The following PCBP3 variants were observed in gnomAD, a reference collection of about 807,000 sequenced individuals.
PCBP3 encodes poly(rC) binding protein 3, also known as poly(rC)-binding protein 3.
A neutral mutation model predicts 52.7 loss-of-function variants in PCBP3; 25 were observed. The ratio of observed to expected loss-of-function variants is 0.47; its 90% CI spans 0.35 to 0.66. PCBP3 has a LOEUF of 0.66. Among genes scored for constraint, PCBP3 ranks in the 30% least tolerant of loss-of-function variants. The pLI is 0.01. For synonymous variants in PCBP3, 162 were observed against 183.0 expected (o/e 0.89, Z 0.93); for missense variants, 391 against 490.3 (o/e 0.80, Z 1.91).
chr21:45,883,561 GCT>G (rs747065654), intron 5 of PCBP3, among the ~76,000 whole-genome samples: 80 of 152,152 alleles, frequency 5.3e-4, no homozygotes, highest in Non-Finnish European at 6.6e-4. Flanking sequence ...ATATTTTACA[GCT>G]CTGTTATTTG....
intron 5 of PCBP3, chr21:45,869,099 GTATC>G (rs1299269151): frequency 3.7e-4 from 56 of 152,314 alleles, no homozygotes; most frequent in African/African-American, 1.3e-3. Flanking sequence ...TTTCACCCAA[GTATC>G]TGTAACTTTC....
intron 1 of PCBP3, among the ~76,000 whole-genome samples, chr21:45,660,093 CTTAA>C (rs887540162): frequency 1.6e-4 from 25 of 151,658 alleles, no homozygotes; most frequent in African/African-American, 6.0e-4. Context: ...CCTTTTTTCT[CTTAA>C]TTTTTTGTTT....
intron 9 of PCBP3, among the ~76,000 whole-genome samples, chr21:45,905,627 G>A (rs538325183): frequency 2.6e-5 from 4 of 152,334 alleles, no homozygotes; most frequent in East Asian, 1.9e-4. Context: ...CATCAGGGCC[G>A]GTTCCTCTGA....
chr21:45,867,895 C>G lies in PCBP3; in HGVS notation c.10+17800C>G, dbSNP rs575174866. On this transcript the variant is annotated intron_variant, in intron 5 of 17. Transcript: ENST00000681687. ...TCTGTGGTAAGAGGAAGAGCGATAG[C>G]TGGAACCCAGCGCCGTCGCACACAC... Among the ~76,000 whole-genome samples, 6 of 152,384 alleles carry G rather than the reference C, an allele frequency of 3.9e-5. No homozygotes were observed. In the East Asian group the frequency reaches 1.2e-3, roughly 29 times the overall value.
chr21:45,894,044 T>G, intron 5 of PCBP3: 9 of 984,840 alleles, frequency 9.1e-6, no homozygotes, highest in Non-Finnish European at 8.4e-6. Context: ...AGCCAGAGAG[T>G]GGTTGATGCC....
intron 4 of PCBP3, among the ~76,000 whole-genome samples, chr21:45,826,209 G>C (rs1047969571): frequency 9.2e-5 from 14 of 151,414 alleles, no homozygotes; most frequent in African/African-American, 3.4e-4. Flanking sequence ...GGTGAGCCGA[G>C]ATTGCGGCAT....
chr21:45,660,148 CAT>C (rs577973355), intron 1 of PCBP3, among the ~76,000 whole-genome samples: 20 of 151,682 alleles, frequency 1.3e-4, no homozygotes, highest in Admixed American at 5.2e-4. Context: ...TACACACACA[CAT>C]ATATATATGT....
chr21:45,836,806 A>C (rs987414260), intron 4 of PCBP3, among the ~76,000 whole-genome samples: 1 of 152,126 alleles, frequency 6.6e-6, no homozygotes, highest in African/African-American at 2.4e-5. Flanking sequence ...ATCAGTCCCT[A>C]CATAGACTTC....
chr21:45,838,195 A>G (rs1314681287), intron 4 of PCBP3, among the ~76,000 whole-genome samples: 1 of 152,198 alleles, frequency 6.6e-6, no homozygotes, highest in Non-Finnish European at 1.5e-5. Flanking sequence ...GATGTTATAC[A>G]CACAGTGGAG....
chr21:45,920,094 G>T (rs1049818802), intron 13 of PCBP3, among the ~76,000 whole-genome samples: 2 of 152,196 alleles, frequency 1.3e-5, no homozygotes, highest in Non-Finnish European at 2.9e-5. Flanking sequence ...CAAAGGAAAG[G>T]CAGTGTGCGG....
At chr21:45,804,885 C>T (rs2092440005) in intron 4 of PCBP3, among the ~76,000 whole-genome samples, 1 of 151,810 alleles carries the variant, frequency 6.6e-6, no homozygotes, top group Admixed American at 6.5e-5. Context: ...AGGCCGTGTT[C>T]CTGGGAGTCA....
At chr21:45,763,841 G>A (rs1348234318) in intron 4 of PCBP3, 2 of 152,420 alleles carry the variant, frequency 1.3e-5, no homozygotes, top group African/African-American at 4.8e-5. Flanking sequence ...GCTGCTTCAT[G>A]GCACTCCCTC....
chr21:45,841,410 G>A (rs1346061758), intron 4 of PCBP3, among the ~76,000 whole-genome samples: 3 of 150,310 alleles, frequency 2.0e-5, no homozygotes, highest in African/African-American at 2.4e-5. Flanking sequence ...TTTCATTTCT[G>A]AAAAAAAAAA....
chr21:45,839,238 T>C (rs2093650490), intron 4 of PCBP3, among the ~76,000 whole-genome samples: 2 of 152,230 alleles, frequency 1.3e-5, no homozygotes, highest in African/African-American at 4.8e-5. Flanking sequence ...CAGAAGTCTC[T>C]TCTTCCTCCT....
intron 5 of PCBP3, chr21:45,871,171 CCGTG>C: frequency 5.6e-6 from 1 of 177,076 alleles, no homozygotes; most frequent in South Asian, 9.2e-5. Context: ...CCAGGGAAGG[CCGTG>C]CAGCCCAGTG....
chr21:45,832,359 C>CT (rs967866018), intron 4 of PCBP3, among the ~76,000 whole-genome samples: 159 of 152,308 alleles, frequency 1.0e-3, no homozygotes, highest in African/African-American at 3.8e-3. Context: ...CTTTATGACC[C>CT]TGTATCTTGT....
rs112406077 is a variant in PCBP3, at chr21:45,887,077, T to C, written c.11-9131T>C. 4.9e-3 allele frequency among the ~76,000 whole-genome samples: 749 copies of C among 152,324 alleles called. 7 individuals are homozygous for C. The highest frequency in any genetic ancestry group is 0.016 in the African/African-American group (669 of 41,576). ...GACTTTTGTTGAGGCCCTTTTCTTG[T>C]CTGTGCCTGTTGGCATTTCCGGCTT... is the stretch of plus-strand genomic sequence containing the variant. On this transcript the variant is annotated intron_variant, in intron 5 of 17. Coordinates refer to ENST00000681687, the MANE Select transcript of PCBP3 (RefSeq NM_001384156.1).
chr21:45,740,949 A>C (rs913132966), intron 3 of PCBP3, among the ~76,000 whole-genome samples: 2 of 152,182 alleles, frequency 1.3e-5, no homozygotes, highest in African/African-American at 4.8e-5. Context: ...AGAAGGAGTC[A>C]GCCTCTCAGC....
At chr21:45,780,141 CAA>C (rs974350795) in intron 4 of PCBP3, among the ~76,000 whole-genome samples, 4 of 152,206 alleles carry the variant, frequency 2.6e-5, no homozygotes, top group African/African-American at 9.6e-5. Context: ...CTCTAAAACT[CAA>C]AAATATATAA....
Sources: gnomAD v4.1 joint callset for allele counts (sites outside exome capture counted in the v4.1 genomes callset) on GRCh38, gnomAD v4.1.1 for gene constraint, MANE v1.5 for transcripts, NCBI Gene and HGNC (gene_info 2026-07-23, HGNC 2026-07-21) for gene names.